GRM8: variants seen among roughly 807,000 people sequenced by gnomAD.
The protein encoded by GRM8 is glutamate metabotropic receptor 8, also known as metabotropic glutamate receptor 8.
GRM8 carries 47 observed loss-of-function variants against 87.2 expected under a neutral mutation model. The observed-to-expected ratio is 0.54, with a 90% CI of 0.43 to 0.69. The LOEUF (loss-of-function observed/expected upper bound fraction) is 0.69. Ranked by LOEUF, GRM8 falls within the 30% of genes least tolerant of loss-of-function variation. The pLI is 0.00. For missense variants in GRM8, 1,019 were observed against 1,139.2 expected (o/e 0.89, Z 1.52); for synonymous variants, 396 against 404.5 (o/e 0.98, Z 0.25).
chr7:127,070,049 T>A (rs1821521905), intron 3 of GRM8, among the ~76,000 whole-genome samples: 1 of 152,224 alleles, frequency 6.6e-6, no homozygotes, highest in African/African-American at 2.4e-5. Flanking sequence ...ATTACCAATC[T>A]CAGTAACAGG....
intron 3 of GRM8, among the ~76,000 whole-genome samples, chr7:127,014,953 G>GA (rs1200547695): frequency 4.9e-5 from 6 of 123,050 alleles, no homozygotes; most frequent in Non-Finnish European, 8.6e-5. Flanking sequence ...GAAAGAGAGA[G>GA]AGAAGAAGAA....
intron 3 of GRM8, among the ~76,000 whole-genome samples, chr7:127,040,197 G>A (rs148437861): frequency 1.3e-5 from 2 of 152,106 alleles, no homozygotes; most frequent in East Asian, 1.9e-4. Context: ...CCAGGAATGG[G>A]CTGCTTTAGT....
At chr7:126,625,591 T>C (rs1414573792) in intron 7 of GRM8, among the ~76,000 whole-genome samples, 2 of 152,200 alleles carry the variant, frequency 1.3e-5, no homozygotes, top group Admixed American at 6.5e-5. Context: ...GGTTGCAAAG[T>C]GTCATTGTCA....
At chr7:126,448,697 ACTTT>A (rs1378250476) in intron 9 of GRM8, among the ~76,000 whole-genome samples, 1 of 151,974 alleles carries the variant, frequency 6.6e-6, no homozygotes, top group Non-Finnish European at 1.5e-5. Flanking sequence ...TTAATTATGT[ACTTT>A]CTTAAGACAG....
At chr7:127,235,230 A>G (rs953121889) in intron 2 of GRM8, among the ~76,000 whole-genome samples, 2 of 152,248 alleles carry the variant, frequency 1.3e-5, no homozygotes, top group Non-Finnish European at 2.9e-5. Context: ...ATTTCAGGCC[A>G]TTTAAGGCTA....
At chr7:126,497,515 A>G (rs11972038) in intron 9 of GRM8, among the ~76,000 whole-genome samples, 6,060 of 152,026 alleles carry the variant, frequency 0.04, 316 homozygotes, top group African/African-American at 0.12. Context: ...CTGTGTATGT[A>G]GATATATTCG....
chr7:126,717,096 T>C lies in GRM8; in HGVS notation c.1357+52769A>G, dbSNP rs1811843331. On this transcript the variant is annotated intron_variant, in intron 7 of 10. Transcript: ENST00000339582. ...ATTATGAAAATGACTTGGGACCATC[T>C]TTGTGAGATTTGGGCATCTATTAGA... Among the ~76,000 whole-genome samples, 3 of 152,194 alleles carry C rather than the reference T, an allele frequency of 2.0e-5. No homozygotes were observed. The South Asian group carries it at 6.2e-4, about 31-fold the overall frequency.
At chr7:127,108,850 G>A (rs1396384362) in intron 2 of GRM8, among the ~76,000 whole-genome samples, 1 of 152,180 alleles carries the variant, frequency 6.6e-6, no homozygotes, top group Non-Finnish European at 1.5e-5. Context: ...TCTCTTTGCA[G>A]ATCAATGTGT....
intron 6 of GRM8, among the ~76,000 whole-genome samples, chr7:126,901,057 G>C (rs13233245): frequency 6.6e-6 from 1 of 152,148 alleles, no homozygotes; most frequent in Non-Finnish European, 1.5e-5. Flanking sequence ...ACTGTGCATG[G>C]TCTGGCTCCA....
chr7:127,101,604 T>C (rs993840879), intron 3 of GRM8, among the ~76,000 whole-genome samples: 3 of 152,236 alleles, frequency 2.0e-5, no homozygotes, highest in Admixed American at 6.5e-5. Flanking sequence ...TCTGTGATGA[T>C]TGTAAGCCTC....
intron 2 of GRM8, among the ~76,000 whole-genome samples, chr7:127,184,468 T>C (rs1042797525): frequency 1.3e-5 from 2 of 151,850 alleles, no homozygotes; most frequent in African/African-American, 4.8e-5. Flanking sequence ...TAATAAAAAT[T>C]ATCAGCAAAC....
chr7:126,926,747 C>G (rs77208276), intron 3 of GRM8, among the ~76,000 whole-genome samples: 7,886 of 152,348 alleles, frequency 0.052, 279 homozygotes, highest in Middle Eastern at 0.078. Context: ...CATGCTCTTA[C>G]AAACCTTCAT....
chr7:127,202,660 T>A (rs1169671970), intron 2 of GRM8, among the ~76,000 whole-genome samples: 1 of 152,170 alleles, frequency 6.6e-6, no homozygotes, highest in Non-Finnish European at 1.5e-5. Flanking sequence ...GCTCTGAGAC[T>A]GAGAAGTTTA....
chr7:126,840,168 T>C (rs1370196258), intron 6 of GRM8, among the ~76,000 whole-genome samples: 1 of 152,194 alleles, frequency 6.6e-6, no homozygotes, highest in East Asian at 1.9e-4. Context: ...TTGCATCTGA[T>C]CTTGAAAACA....
intron 3 of GRM8, among the ~76,000 whole-genome samples, chr7:127,064,508 G>A (rs551740477): frequency 6.6e-6 from 1 of 152,204 alleles, no homozygotes; most frequent in Admixed American, 6.5e-5. Flanking sequence ...GAGCCTATGA[G>A]TGTCATTACA....
chr7:126,928,083 C>A (rs1332889747), intron 3 of GRM8, among the ~76,000 whole-genome samples: 1 of 151,970 alleles, frequency 6.6e-6, no homozygotes, highest in Non-Finnish European at 1.5e-5. Context: ...ATGGATGACG[C>A]TGGAAATCAT....
chr7:126,650,027 T>G (rs1025985070), intron 7 of GRM8, among the ~76,000 whole-genome samples: 1 of 152,208 alleles, frequency 6.6e-6, no homozygotes, highest in Non-Finnish European at 1.5e-5. Context: ...TTTTGAGAGA[T>G]AGCTCTTGTC....
At chr7:127,239,952 A>C (rs1442193160) in intron 2 of GRM8, among the ~76,000 whole-genome samples, 1 of 152,080 alleles carries the variant, frequency 6.6e-6, no homozygotes, top group Non-Finnish European at 1.5e-5. Context: ...TTAAACGCGC[A>C]CTCTGGACCA....
Position 126,994,381 on chromosome 7 carries a change from T to C in GRM8, c.728-89698A>G, listed in dbSNP as rs867888907. ...TGGCCTTGGGTAAGACTCTGAGACA[T>C]GCTGGCTTCAGCTACCAGCTCAGCC... On this transcript the variant is annotated intron_variant, in intron 3 of 10. Coordinates refer to ENST00000339582, the MANE Select transcript of GRM8 (RefSeq NM_000845.3). Among the ~76,000 whole-genome samples the C allele has an allele frequency of 7.2e-5, 11 of 152,190 alleles. No homozygotes were observed. The South Asian group carries it at 8.3e-4, about 11-fold the overall frequency.
Sources: allele counts gnomAD v4.1 joint callset (sites outside exome capture counted in the v4.1 genomes callset), GRCh38; gene constraint gnomAD v4.1.1; transcripts MANE v1.5; gene names NCBI Gene and HGNC (gene_info 2026-07-23, HGNC 2026-07-21).